Variants in TRIM13 observed in about 807,000 individuals in gnomAD.
TRIM13 encodes the protein tripartite motif containing 13.
A neutral mutation model predicts 27.1 loss-of-function variants in TRIM13; 15 were observed. That is an observed-to-expected ratio of 0.55 (90% CI 0.37 to 0.85). The LOEUF is 0.85. TRIM13 is among the 40% of genes least tolerant of loss of function. The pLI is 0.00. For missense variants in TRIM13, 402 were observed against 472.2 expected, an observed-to-expected ratio of 0.85 and a Z score of 1.38; for synonymous variants, 193 against 171.5, an observed-to-expected ratio of 1.13 and a Z score of -0.98.
Position 50,015,268 on chromosome 13 carries a change from T to G in TRIM13, c.*2104T>G, listed in dbSNP as rs1476398383. 2.3e-6 allele frequency: 1 copy of G among 426,024 alleles called. No individual in the cohort carries two copies. The allele number at this position is 426,024 out of a possible 1,614,324, so 26.4% of individuals were successfully genotyped here. A position where few individuals can be genotyped will look rare whatever the true frequency, so the allele number is the denominator to read the frequency against. ...TTAAGCTATTTAGTTCCTCATCTGT[T>G]GCTTTTTCATTTTGTATACTGCAAG... On this transcript the variant is annotated 3_prime_UTR_variant, in exon 2 of 2. Coordinates refer to ENST00000378182, the MANE Select transcript of TRIM13 (RefSeq NM_213590.3).
Position 50,014,344 on chromosome 13 carries a change from A to AAAAAAAAAAAAAAAT in TRIM13, c.*1181_*1182insAAAAAAAAAAAAATA, listed in dbSNP as rs1555325057. The AAAAAAAAAAAAAAAT allele has an allele frequency of 5.1e-5, 1 of 19,718 alleles. No homozygotes were observed. Among genetic ancestry groups the AAAAAAAAAAAAAAAT allele is most frequent in the Non-Finnish European group, 8.3e-5 (1 of 12,100 alleles). The allele number at this position is 19,718 out of a possible 1,614,324, so 1.2% of individuals were successfully genotyped here. A position where few individuals can be genotyped will look rare whatever the true frequency, so the allele number is the denominator to read the frequency against. On this transcript the variant is annotated 3_prime_UTR_variant, in exon 2 of 2. Transcript: ENST00000378182. The stretch of plus-strand genomic sequence containing the variant: ...AAAAAAAAAAAAAAAAAAAAAAAAA[A>AAAAAAAAAAAAAAAT]ATATATATATATATATACACACACA...
Position 50,011,914 on chromosome 13 carries a change from AAT to A in TRIM13, c.-6-20_-6-19del. 3.9e-6 allele frequency: 6 copies of A among 1,554,392 alleles called. No individual in the cohort carries two copies. Among genetic ancestry groups the A allele is most frequent in the Non-Finnish European group, 8.7e-7 (1 of 1,149,714 alleles). On this transcript the variant is annotated intron_variant, in intron 1 of 1. Coordinates refer to ENST00000378182, the MANE Select transcript of TRIM13 (RefSeq NM_213590.3). Reference sequence around the variant, plus strand: ...GTGGTGACGGTTATTGGAGTAAAATAATTTTTTTTTTTTCTGGTAGGATGTGA... The same window carrying A: ...GTGGTGACGGTTATTGGAGTAAAATATTTTTTTTTTTCTGGTAGGATGTGA...
At chr13:49,998,929 A>G (rs1178299593) in intron 1 of TRIM13, among the ~76,000 whole-genome samples, 2 of 100,714 alleles carry the variant, frequency 2.0e-5, no homozygotes, top group Non-Finnish European at 4.1e-5. Flanking sequence ...GACTCTACCA[A>G]AAAAAAAAAA....
intron 1 of TRIM13, among the ~76,000 whole-genome samples, chr13:49,998,040 TCTC>T (rs1486731785): frequency 2.6e-5 from 4 of 152,176 alleles, no homozygotes; most frequent in Admixed American, 6.5e-5. Context: ...TTTTTTCCCT[TCTC>T]CTATGCTTAG....
Position 50,012,813 on chromosome 13 carries a change from A to G in TRIM13, c.873A>G (p.Leu291=). The G allele has an allele frequency of 6.2e-7, 1 of 1,614,152 alleles. No homozygotes were observed. Residue 291 remains leucine (L), a synonymous_variant, in exon 2 of 2, where the codon CTA becomes CTG. Transcript: ENST00000378182. ...CCAGTCAGTGGGAAGACATAAAACT[A>G]GTCGATGTGGATAAACTTTCTTTGC... ...FDTSQWEDIK[L]VDVDKLSLPQ...
In TRIM13 at chr13:50,017,895, CATT is replaced by C. The variant is rs1361853476; in HGVS notation, c.*4732_*4734del. ...ATTGGTGCCTAATTGTCTGGTGTATCATTCACTTTATTCAGTTTGTTCTATCAA... is the reference window on the plus strand; with the variant it reads ...ATTGGTGCCTAATTGTCTGGTGTATCCACTTTATTCAGTTTGTTCTATCAA... On this transcript the variant is annotated 3_prime_UTR_variant, in exon 2 of 2. Transcript: ENST00000378182. 1.2e-5 allele frequency: 2 copies of C among 167,018 alleles called. No homozygotes were observed. The highest frequency in any genetic ancestry group is 2.9e-5 in the Non-Finnish European group (2 of 68,116). 10.3% of individuals were successfully genotyped at this position (167,018 alleles called of 1,614,324 possible).
At chr13:50,005,439 C>T (rs1439716152) in intron 1 of TRIM13, among the ~76,000 whole-genome samples, 1 of 151,672 alleles carries the variant, frequency 6.6e-6, no homozygotes, top group African/African-American at 2.4e-5. Context: ...TTTGGGAGGC[C>T]GAGGCGGGTG....
rs1876440513 is a variant in TRIM13 at position 50,015,603 on chromosome 13, G to A, written c.*2439G>A. ...TCTCGTTTGGCACGCATGTTAGATGGCAGAGACCAAGAATTCAAGATGGTT... is the reference window on the plus strand; with the variant it reads ...TCTCGTTTGGCACGCATGTTAGATGACAGAGACCAAGAATTCAAGATGGTT... On this transcript the variant is annotated 3_prime_UTR_variant, in exon 2 of 2. Coordinates refer to ENST00000378182, the MANE Select transcript of TRIM13 (RefSeq NM_213590.3). 6.2e-7 allele frequency: 1 copy of A among 1,613,980 alleles called. No homozygotes were observed.
At chr13:50,002,555 AAACTC>A (rs1475527262) in intron 1 of TRIM13, among the ~76,000 whole-genome samples, 33 of 152,336 alleles carry the variant, frequency 2.2e-4, no homozygotes, top group Non-Finnish European at 3.2e-4. Flanking sequence ...CAAACAGAGA[AAACTC>A]AAGAAGAATA....
intron 1 of TRIM13, among the ~76,000 whole-genome samples, chr13:50,009,111 A>G (rs1009150898): frequency 2.4e-5 from 3 of 126,396 alleles, no homozygotes; most frequent in Non-Finnish European, 3.9e-5. Flanking sequence ...ACAATTTTTA[A>G]AAAATACTCA....
At chr13:50,003,506 T>C (rs1371630005) in intron 1 of TRIM13, among the ~76,000 whole-genome samples, 1 of 152,212 alleles carries the variant, frequency 6.6e-6, no homozygotes, top group African/African-American at 2.4e-5. Flanking sequence ...AATGAATGAG[T>C]ACTTTCTGCA....
chr13:50,015,761 G>T lies in TRIM13; in HGVS notation c.*2597G>T. 1 of 1,614,018 alleles carries T rather than the reference G, an allele frequency of 6.2e-7. No individual in the cohort carries two copies. ...GCTTCAGAGAGAGGCTCTTTTCTAT[G>T]AACTTCGTTCTCTAGTTGATCTCTT... On this transcript the variant is annotated 3_prime_UTR_variant, in exon 2 of 2. Coordinates refer to ENST00000378182, the MANE Select transcript of TRIM13 (RefSeq NM_213590.3).
At chr13:50,003,538 C>A (rs1874308018) in intron 1 of TRIM13, among the ~76,000 whole-genome samples, 1 of 152,136 alleles carries the variant, frequency 6.6e-6, no homozygotes, top group Admixed American at 6.6e-5. Flanking sequence ...TTGGGTTGAT[C>A]TCTTAAAAGA....
At position 50,016,194 on chromosome 13, in the gene TRIM13, A is replaced by G. The variant is rs1302474018; in HGVS notation, c.*3030A>G. 1.4e-6 allele frequency: 1 copy of G among 729,610 alleles called. No homozygotes were observed. Among genetic ancestry groups the G allele is most frequent in the Non-Finnish European group, 2.3e-6 (1 of 442,732 alleles). 45.2% of individuals were successfully genotyped at this position (729,610 alleles called of 1,614,324 possible). A position where few individuals can be genotyped will look rare whatever the true frequency, so the allele number is the denominator to read the frequency against. On this transcript the variant is annotated 3_prime_UTR_variant, in exon 2 of 2. Transcript: ENST00000378182. ...ATTATTCAAAATAATGTTTTGGGGTAACCAGTGGAGTTGGGTAGAATGACC... is the reference window on the plus strand; with the variant it reads ...ATTATTCAAAATAATGTTTTGGGGTGACCAGTGGAGTTGGGTAGAATGACC...
chr13:50,003,861 ACAT>A (rs930986225), intron 1 of TRIM13, among the ~76,000 whole-genome samples: 1 of 152,214 alleles, frequency 6.6e-6, no homozygotes, highest in African/African-American at 2.4e-5. Context: ...ATGTTAGAAA[ACAT>A]CAATATGGCA....
chr13:50,003,551 T>C (rs923375436), intron 1 of TRIM13, among the ~76,000 whole-genome samples: 4 of 152,158 alleles, frequency 2.6e-5, no homozygotes, highest in African/African-American at 9.7e-5. Context: ...TTAAAAGAAT[T>C]CTAGAAGGAA....
chr13:50,015,880 C>G lies in TRIM13; in HGVS notation c.*2716C>G. 6.2e-7 allele frequency: 1 copy of G among 1,614,104 alleles called. No homozygotes were observed. The highest frequency in any genetic ancestry group is 8.5e-7 in the Non-Finnish European group (1 of 1,179,988). ...CTTTTTTCAGGGTGTTTGGCTCTTG[C>G]AGCAAAACAATTGAGATGCTAACAG... is the stretch of plus-strand genomic sequence containing the variant. On this transcript the variant is annotated 3_prime_UTR_variant, in exon 2 of 2. Coordinates refer to ENST00000378182, the MANE Select transcript of TRIM13 (RefSeq NM_213590.3).
Position 50,018,323 on chromosome 13 carries a change from T to C in TRIM13, c.*5159T>C, listed in dbSNP as rs150929481. 8.6e-3 allele frequency: 1,437 copies of C among 166,852 alleles called. 54 individuals carry two copies. The East Asian group carries it at 0.13, about 16-fold the overall frequency. 10.3% of individuals were successfully genotyped at this position (166,852 alleles called of 1,614,324 possible). On this transcript the variant is annotated 3_prime_UTR_variant, in exon 2 of 2. Transcript: ENST00000378182. ...TATACTATTTGTATCTTAATTCTTT[T>C]ATGAGATGTTCTGTAACATTTTTCT...
chr13:50,015,425 AC>A lies in TRIM13; in HGVS notation c.*2262del. The A allele has an allele frequency of 8.7e-7, 1 of 1,149,978 alleles. No homozygotes were observed. The highest frequency in any genetic ancestry group is 1.3e-6 in the Non-Finnish European group (1 of 795,792). 71.2% of individuals were successfully genotyped at this position (1,149,978 alleles called of 1,614,324 possible). ...ACTGCATAATCATGTATAACTAGCA[AC>A]ATTTATGGTTATAGGTTGATTTCCT... On this transcript the variant is annotated 3_prime_UTR_variant, in exon 2 of 2. Transcript: ENST00000378182.
Sources: gnomAD v4.1 joint callset for allele counts (sites outside exome capture counted in the v4.1 genomes callset) on GRCh38, gnomAD v4.1.1 for gene constraint, MANE v1.5 for transcripts, NCBI Gene and HGNC (gene_info 2026-07-23, HGNC 2026-07-21) for gene names.